Variants in COL22A1 observed in about 807,000 individuals in gnomAD.
COL22A1 encodes collagen alpha-1(XXII) chain.
In COL22A1, 221 loss-of-function variants were observed where a neutral mutation model predicts 248.9. That is an observed-to-expected ratio of 0.89 (90% confidence interval 0.80 to 0.99). The LOEUF is 0.99. Among genes scored for constraint, COL22A1 ranks in the 50% least tolerant of loss-of-function variants. The pLI is 0.00. For synonymous variants in COL22A1, 891 were observed against 793.4 expected, an observed-to-expected ratio of 1.12 and a Z score of -2.07; for missense variants, 2,240 against 2,179.0, an observed-to-expected ratio of 1.03 and a Z score of -0.56.
intron 3 of COL22A1, among the ~76,000 whole-genome samples, chr8:138,849,984 T>A (rs1003671418): frequency 6.6e-6 from 1 of 152,206 alleles, no homozygotes; most frequent in African/African-American, 2.4e-5. Context: ...GCAGGGCAGA[T>A]ACTATTATCC....
chr8:138,630,594 C>T (rs987651798), intron 50 of COL22A1, 101 bp downstream of exon 50: 24 of 958,476 alleles, frequency 2.5e-5, no homozygotes, highest in Non-Finnish European at 3.7e-5. Flanking sequence ...ATATGTGAGC[C>T]ACAGGAGGCA....
In COL22A1 at chr8:138,790,516, C is replaced by T. The variant is rs192896806; in HGVS notation, c.1596+6303G>A. Among the ~76,000 whole-genome samples, 17 of 152,344 alleles carry T rather than the reference C, an allele frequency of 1.1e-4. No homozygotes were observed. The East Asian group carries it at 3.3e-3, about 29-fold the overall frequency. On this transcript the variant is annotated intron_variant, in intron 12 of 64. Transcript: ENST00000303045. The stretch of plus-strand genomic sequence containing the variant: ...GGCTCCAGGAAGAAAATCCACATGT[C>T]GTGGAACTCCCTCTTCATTCCTCCT...
chr8:138,749,284 C>T (rs1399346809), intron 22 of COL22A1, among the ~76,000 whole-genome samples: 1 of 152,140 alleles, frequency 6.6e-6, no homozygotes, highest in African/African-American at 2.4e-5. Context: ...AAGGTATGAG[C>T]CTGGTGAGTG....
chr8:138,660,884 AT>A (rs1823804480), intron 43 of COL22A1, among the ~76,000 whole-genome samples: 1 of 62,804 alleles, frequency 1.6e-5, no homozygotes, highest in African/African-American at 3.6e-5. Flanking sequence ...AGACACACAC[AT>A]ACACAGACAC....
chr8:138,641,527 C>T (rs1170079559), intron 47 of COL22A1, among the ~76,000 whole-genome samples: 2 of 152,150 alleles, frequency 1.3e-5, no homozygotes, highest in Admixed American at 1.3e-4. Context: ...TTACACGGAT[C>T]ATAACCACAA....
At chr8:138,801,684 G>T (rs779295115) in intron 11 of COL22A1, among the ~76,000 whole-genome samples, 9 of 152,140 alleles carry the variant, frequency 5.9e-5, no homozygotes, top group African/African-American at 2.2e-4. Context: ...TTTGAGACCA[G>T]CCTGGCCAAC....
At chr8:138,755,662 G>A in intron 19 of COL22A1, 123 bp downstream of exon 19, 1 of 1,364,156 alleles carries the variant, frequency 7.3e-7, no homozygotes, top group Admixed American at 1.7e-5. Flanking sequence ...TTTTAGTGTT[G>A]AAAGCCTTCT....
chr8:138,598,193 C>T (rs1029849588), intron 61 of COL22A1, among the ~76,000 whole-genome samples: 7 of 152,070 alleles, frequency 4.6e-5, no homozygotes, highest in Non-Finnish European at 1.0e-4. Context: ...AAGAAAAAAC[C>T]ATCATCACTC....
chr8:138,663,422 T>C (rs1430762849), intron 42 of COL22A1, among the ~76,000 whole-genome samples: 3 of 152,200 alleles, frequency 2.0e-5, no homozygotes, highest in Non-Finnish European at 2.9e-5. Flanking sequence ...CTGAATTCAT[T>C]AAACCATGGC....
At chr8:138,760,194 A>G in intron 18 of COL22A1, 49 bp downstream of exon 18, 1 of 1,487,758 alleles carries the variant, frequency 6.7e-7, no homozygotes, top group East Asian at 2.7e-5. Flanking sequence ...CAGTCCCCGC[A>G]CCTGCCTGCC....
At position 138,672,003 on chromosome 8, in the gene COL22A1, G is replaced by C. The variant is rs374470208; in HGVS notation, c.3150+4555C>G. Among the ~76,000 whole-genome samples the C allele has an allele frequency of 1.2e-4, 18 of 152,198 alleles. No individual in the cohort carries two copies. The East Asian group carries it at 2.5e-3, about 21-fold the overall frequency. ...ACAGTAGGCTATTAGTTAAATACTG[G>C]GATAGTCAAAAGTTATACTCAAATT... is the stretch of plus-strand genomic sequence containing the variant. On this transcript the variant is annotated intron_variant, in intron 41 of 64. Coordinates refer to ENST00000303045, the MANE Select transcript of COL22A1 (RefSeq NM_152888.3).
In COL22A1 at chr8:138,684,537, C is replaced by A; in HGVS notation, c.2968-68G>T. 4.5e-6 allele frequency: 5 copies of A among 1,117,030 alleles called. No homozygotes were observed. In the South Asian group the frequency reaches 6.2e-5, roughly 14 times the overall value. 69.2% of individuals were successfully genotyped at this position (1,117,030 alleles called of 1,614,324 possible). A position where few individuals can be genotyped will look rare whatever the true frequency, so the allele number is the denominator to read the frequency against. On this transcript the variant is annotated intron_variant, in intron 38 of 64. Transcript: ENST00000303045. ...TGAACACTGACCCATCCACCACGTG[C>A]CAGGCTGACTGCATCCTCTGCTGGG...
intron 23 of COL22A1, among the ~76,000 whole-genome samples, chr8:138,732,589 T>C (rs1407878715): frequency 6.6e-6 from 1 of 152,250 alleles, no homozygotes; most frequent in Non-Finnish European, 1.5e-5. Context: ...TTTCTTCTCA[T>C]TTAATTGTTA....
At chr8:138,902,733 TATATATAC>T (rs1491002541) in intron 1 of COL22A1, among the ~76,000 whole-genome samples, 4 of 91,566 alleles carry the variant, frequency 4.4e-5, no homozygotes, top group African/African-American at 1.7e-4. Flanking sequence ...TAAATATATA[TATATATAC>T]ACACACACAC....
intron 22 of COL22A1, among the ~76,000 whole-genome samples, chr8:138,750,940 A>G (rs1241114424): frequency 6.6e-6 from 1 of 152,182 alleles, no homozygotes; most frequent in Non-Finnish European, 1.5e-5. Context: ...TTGTTTCAAG[A>G]GCTGAATTTA....
chr8:138,666,241 T>C (rs554238221), intron 41 of COL22A1, among the ~76,000 whole-genome samples: 1 of 152,202 alleles, frequency 6.6e-6, no homozygotes, highest in African/African-American at 2.4e-5. Context: ...ACTGAAAGAG[T>C]CATACAGACA....
intron 30 of COL22A1, among the ~76,000 whole-genome samples, chr8:138,714,852 C>T (rs776237594): frequency 7.2e-5 from 11 of 152,102 alleles, no homozygotes; most frequent in Middle Eastern, 3.2e-3. Flanking sequence ...AGCAATGACA[C>T]GCTGGGCTCA....
At chr8:138,646,587 A>C in intron 47 of COL22A1, 42 bp downstream of exon 47, 9 of 1,449,374 alleles carry the variant, frequency 6.2e-6, no homozygotes, top group Non-Finnish European at 8.4e-6. Flanking sequence ...CATTGAGATG[A>C]GCAGAATAGA....
chr8:138,655,928 A>C lies in COL22A1; in HGVS notation c.3302T>G (p.Leu1101Arg). Residue 1101 changes from leucine (L) to arginine (R), a missense_variant, in exon 45 of 65, where the codon CTG becomes CGG. Leu to Arg is a moderately radical substitution (Grantham distance 102). Transcript: ENST00000303045. ...PPGKPGLSSL[L>R]SPGDINLLAK... is the part of the protein sequence containing the mutation. ...CAAGAGATTTATGTCCCCTGGAGAC[A>C]GTAGTGAAGAGAGGCCCTGTCAAAA... The C allele has an allele frequency of 6.2e-7, 1 of 1,612,480 alleles. No homozygotes were observed. The highest frequency in any genetic ancestry group is 8.5e-7 in the Non-Finnish European group (1 of 1,178,574).
Sources: allele counts gnomAD v4.1 joint callset (sites outside exome capture counted in the v4.1 genomes callset), GRCh38; gene constraint gnomAD v4.1.1; transcripts MANE v1.5; gene names NCBI Gene and HGNC (gene_info 2026-07-23, HGNC 2026-07-21).